Variants in ABCB5 observed in about 807,000 individuals in gnomAD.
The protein encoded by ABCB5 is ATP-binding cassette sub-family B member 5.
In ABCB5, 155 loss-of-function variants were observed where a neutral mutation model predicts 144.2. The ratio of observed to expected loss-of-function variants is 1.08; its 90% CI spans 0.94 to 1.23. ABCB5 has a LOEUF of 1.23. Ranked by LOEUF, ABCB5 falls within the 50% of genes most tolerant of loss-of-function variation. The pLI is 0.00. For missense variants in ABCB5, 1,830 were observed against 1,520.8 expected, an observed-to-expected ratio of 1.20 and a Z score of -3.38; for synonymous variants, 610 against 528.6, an observed-to-expected ratio of 1.15 and a Z score of -2.11.
intron 23 of ABCB5, among the ~76,000 whole-genome samples, chr7:20,733,640 T>TC (rs1474701121): frequency 6.6e-6 from 1 of 150,942 alleles, no homozygotes; most frequent in African/African-American, 2.4e-5. Context: ...TCTTTTCTTT[T>TC]CTTTTTTTTT....
At chr7:20,679,712 G>A (rs1298295797) in intron 14 of ABCB5, among the ~76,000 whole-genome samples, 1 of 152,110 alleles carries the variant, frequency 6.6e-6, no homozygotes, top group Non-Finnish European at 1.5e-5. Flanking sequence ...ATTAGTCATC[G>A]AGAAAATGCA....
At chr7:20,752,864 A>T (rs1237184195) in intron 26 of ABCB5, among the ~76,000 whole-genome samples, 1 of 152,090 alleles carries the variant, frequency 6.6e-6, no homozygotes, top group African/African-American at 2.4e-5. Flanking sequence ...AAAAAAGTCA[A>T]CCTAACTTAT....
chr7:20,699,872 T>G lies in ABCB5; in HGVS notation c.2202T>G (p.Ile734Met), dbSNP rs964161268. The change falls in exon 18 of 28, where the codon ATT (isoleucine) becomes ATG (methionine). Residue 734 changes from isoleucine (I) to methionine (M), a missense_variant. Transcript: ENST00000404938. ...DKTTLKHDAE[I>M]YSMIFVILGV... ...CCACATTAAAGCATGATGCAGAAATTTATTCCATGATATTCGTCATTTTGG... is the reference window on the plus strand; with the variant it reads ...CCACATTAAAGCATGATGCAGAAATGTATTCCATGATATTCGTCATTTTGG... 4.3e-6 allele frequency: 7 copies of G among 1,612,794 alleles called. No homozygotes were observed. In the African/African-American group the frequency reaches 8.0e-5, roughly 18 times the overall value.
At chr7:20,678,374 G>A (rs997705835) in intron 14 of ABCB5, among the ~76,000 whole-genome samples, 1 of 152,180 alleles carries the variant, frequency 6.6e-6, no homozygotes, top group Non-Finnish European at 1.5e-5. Flanking sequence ...CTTGTGGAGA[G>A]AAGAGGGAAA....
chr7:20,631,965 G>C (rs1784048982), intron 4 of ABCB5, 94 bp from the exon 5 acceptor site: 3 of 633,454 alleles, frequency 4.7e-6, no homozygotes, highest in South Asian at 6.0e-5. Context: ...GTTGTCTTAA[G>C]AGTGCACTAT....
At chr7:20,682,022 T>C (rs560130183) in intron 15 of ABCB5, among the ~76,000 whole-genome samples, 4 of 152,018 alleles carry the variant, frequency 2.6e-5, no homozygotes, top group Non-Finnish European at 5.9e-5. Context: ...CTGGCCAACA[T>C]GGTGAAACCT....
Position 20,728,361 on chromosome 7 carries a change from A to G in ABCB5, c.2773A>G (p.Ser925Gly), listed in dbSNP as rs780857689. The G allele has an allele frequency of 1.2e-6, 2 of 1,614,196 alleles. No homozygotes were observed. The highest frequency in any genetic ancestry group is 1.7e-6 in the Non-Finnish European group (2 of 1,179,998). ...GATTATTGGAAGCTGTTATGCATTC[A>G]GCCATGCCTTTATATATTTTGCCTA... Reference protein sequence around the residue: ...AQIIGSCYAFSHAFIYFAYAA... With the variant: ...AQIIGSCYAFGHAFIYFAYAA... Residue 925 changes from serine (S) to glycine (G), a missense_variant, in exon 23 of 28, where the codon AGC becomes GGC. Physicochemically the swap from Ser to Gly is moderately conservative, Grantham distance 56 (BLOSUM62 0). Transcript: ENST00000404938.
At chr7:20,691,949 A>C (rs1333505476) in intron 16 of ABCB5, among the ~76,000 whole-genome samples, 1 of 152,122 alleles carries the variant, frequency 6.6e-6, no homozygotes, top group Non-Finnish European at 1.5e-5. Flanking sequence ...TGAAGAGAAA[A>C]ATCAGTCAAT....
chr7:20,729,633 A>C (rs996296826), intron 23 of ABCB5, among the ~76,000 whole-genome samples: 5 of 152,242 alleles, frequency 3.3e-5, no homozygotes, highest in Non-Finnish European at 7.3e-5. Context: ...CTGAGAGCCT[A>C]AAATATCAGA....
At chr7:20,728,823 C>T (rs1181638882) in intron 23 of ABCB5, among the ~76,000 whole-genome samples, 1 of 152,082 alleles carries the variant, frequency 6.6e-6, no homozygotes, top group South Asian at 2.1e-4. Flanking sequence ...TACTTATTTA[C>T]CAGAAAGATG....
chr7:20,631,378 G>C (rs1784034106), intron 4 of ABCB5, among the ~76,000 whole-genome samples: 1 of 151,996 alleles, frequency 6.6e-6, no homozygotes, highest in Non-Finnish European at 1.5e-5. Context: ...ATGATGTTAT[G>C]GTTATAACAG....
In ABCB5 at chr7:20,737,791, T is replaced by C. The variant is rs1367667530; in HGVS notation, c.2868-1192T>C. Among the ~76,000 whole-genome samples, 3 of 152,288 alleles carry C rather than the reference T, an allele frequency of 2.0e-5. No individual in the cohort carries two copies. The East Asian group carries it at 5.8e-4, about 29-fold the overall frequency. On this transcript the variant is annotated intron_variant, in intron 23 of 27. Transcript: ENST00000404938. ...TTCTGATTTGGTTACCTAAACTCAG[T>C]GACCATTTCTGATGTTTATAGCTGG...
intron 23 of ABCB5, among the ~76,000 whole-genome samples, chr7:20,732,906 G>A (rs534892380): frequency 1.3e-5 from 2 of 152,248 alleles, no homozygotes; most frequent in East Asian, 1.9e-4. Context: ...TCCTTTAAGG[G>A]GCTTTCCAAG....
intron 13 of ABCB5, among the ~76,000 whole-genome samples, chr7:20,652,643 A>G (rs1784636176): frequency 6.6e-6 from 1 of 152,246 alleles, no homozygotes; most frequent in Non-Finnish European, 1.5e-5. Flanking sequence ...AAAGCAATAT[A>G]GTAAGCTAAA....
intron 20 of ABCB5, among the ~76,000 whole-genome samples, chr7:20,715,716 G>A (rs906527810): frequency 6.7e-6 from 1 of 149,502 alleles, no homozygotes; most frequent in Non-Finnish European, 1.5e-5. Flanking sequence ...AGCCTAGAGC[G>A]AGCTATAATC....
At chr7:20,669,949 C>G (rs1785410066) in intron 14 of ABCB5, among the ~76,000 whole-genome samples, 2 of 152,142 alleles carry the variant, frequency 1.3e-5, no homozygotes, top group African/African-American at 4.8e-5. Flanking sequence ...AGAATTCAAA[C>G]TTGAAGTGTG....
intron 26 of ABCB5, among the ~76,000 whole-genome samples, chr7:20,750,904 A>C (rs1782903747): frequency 1.3e-5 from 2 of 152,164 alleles, no homozygotes; most frequent in Non-Finnish European, 2.9e-5. Context: ...CACCGCCTTG[A>C]CCTCAAGGAT....
chr7:20,692,916 A>G (rs1253489264), intron 16 of ABCB5, among the ~76,000 whole-genome samples: 1 of 152,172 alleles, frequency 6.6e-6, no homozygotes, highest in African/African-American at 2.4e-5. Flanking sequence ...CAAATCTCCA[A>G]TTGTATTCAG....
intron 19 of ABCB5, among the ~76,000 whole-genome samples, chr7:20,702,646 A>T (rs1335304509): frequency 6.9e-6 from 1 of 144,408 alleles, no homozygotes; most frequent in Non-Finnish European, 1.5e-5. Context: ...TTAGTATTAC[A>T]TATAATGGAT....
Sources: allele counts gnomAD v4.1 joint callset (sites outside exome capture counted in the v4.1 genomes callset), GRCh38; gene constraint gnomAD v4.1.1; transcripts MANE v1.5; gene names NCBI Gene and HGNC (gene_info 2026-07-23, HGNC 2026-07-21).